ATP10B: variants seen among roughly 807,000 people sequenced by gnomAD.
ATP10B encodes the protein phospholipid-transporting ATPase VB.
ATP10B carries 122 observed loss-of-function variants against 141.2 expected under a neutral mutation model. The ratio of observed to expected loss-of-function variants is 0.86; its 90% CI spans 0.75 to 1.00. The LOEUF is 1.00. Among genes scored for constraint, ATP10B ranks in the 50% least tolerant of loss-of-function variants. ATP10B has a pLI of 0.00. For synonymous variants in ATP10B, 685 were observed against 692.0 expected (o/e 0.99, Z 0.16); for missense variants, 1,876 against 1,825.3 (o/e 1.03, Z -0.51).
intron 1 of ATP10B, among the ~76,000 whole-genome samples, chr5:160,818,668 T>C (rs917899473): frequency 6.6e-6 from 1 of 152,238 alleles, no homozygotes; most frequent in Admixed American, 6.5e-5. Flanking sequence ...CAAAGGATTA[T>C]AAATCATGCT....
At chr5:160,893,069 C>T in the ATP10B span, among the ~76,000 whole-genome samples, 2 of 152,154 alleles carry the variant, frequency 1.3e-5, no homozygotes, top group African/African-American at 4.8e-5. Context: ...GAGATTCCCT[C>T]GGGTGCCTAC....
Position 160,591,137 on chromosome 5 carries a change from G to C in ATP10B, c.3567C>G (p.Cys1189Trp). 1.2e-6 allele frequency: 2 copies of C among 1,613,352 alleles called. No homozygotes were observed. The highest frequency in any genetic ancestry group is 1.7e-6 in the Non-Finnish European group (2 of 1,179,622). Residue 1189 changes from cysteine (C) to tryptophan (W), a missense_variant and splice_region_variant, in exon 23 of 26, where the codon TGC becomes TGG. By Grantham distance (215) the Cys-to-Trp change is radical (BLOSUM62 -2). Transcript: ENST00000327245. ...ELYKSGQNSE[C>W]YNLSTFWISM... ...AAATCCAGAAAGTCGACAGGTTATA[G>C]CACTGCCAGGAGAGAACACACCAAT...
intron 3 of ATP10B, among the ~76,000 whole-genome samples, chr5:160,715,911 A>G (rs987926580): frequency 3.9e-5 from 6 of 151,954 alleles, no homozygotes; most frequent in African/African-American, 1.5e-4. Context: ...GGGTTTCACC[A>G]TCTTGGCCAG....
intron 1 of ATP10B, among the ~76,000 whole-genome samples, chr5:160,813,086 T>G (rs1164136517): frequency 6.6e-6 from 1 of 152,234 alleles, no homozygotes; most frequent in East Asian, 1.9e-4. Context: ...TTTCTGCATT[T>G]CCAACTGAGG....
At chr5:160,754,332 T>A (rs1163295761) in intron 2 of ATP10B, among the ~76,000 whole-genome samples, 1 of 152,176 alleles carries the variant, frequency 6.6e-6, no homozygotes, top group African/African-American at 2.4e-5. Context: ...AAATCTGTCT[T>A]GGTGAATTGT....
At chr5:160,598,681 A>G (rs1756900361) in intron 22 of ATP10B, 89 bp downstream of exon 22, 1 of 1,217,714 alleles carries the variant, frequency 8.2e-7, no homozygotes, top group South Asian at 1.4e-5. Flanking sequence ...TGACCCCAGC[A>G]TACAGCTCTT....
intron 25 of ATP10B, among the ~76,000 whole-genome samples, chr5:160,566,446 G>A (rs535843696): frequency 2.0e-5 from 3 of 152,256 alleles, no homozygotes; most frequent in Middle Eastern, 3.4e-3. Context: ...TTGAATCTGT[G>A]GGCCTTGCTG....
intron 13 of ATP10B, among the ~76,000 whole-genome samples, chr5:160,630,368 C>A (rs1394050573): frequency 6.6e-6 from 1 of 152,128 alleles, no homozygotes; most frequent in Non-Finnish European, 1.5e-5. Flanking sequence ...CTGCCTGGAC[C>A]AGGGATGCAG....
chr5:160,724,274 T>TTG (rs1415672133), intron 2 of ATP10B, among the ~76,000 whole-genome samples: 2 of 133,686 alleles, frequency 1.5e-5, no homozygotes, highest in East Asian at 6.0e-4. Flanking sequence ...TTTTTTTTTT[T>TTG]AGAGACAGAG....
the ATP10B span, among the ~76,000 whole-genome samples, chr5:160,866,755 G>A: frequency 6.6e-6 from 1 of 152,086 alleles, no homozygotes; most frequent in East Asian, 1.9e-4. Context: ...TGGGAGTGGG[G>A]TGAGGAATAA....
intron 22 of ATP10B, among the ~76,000 whole-genome samples, chr5:160,594,173 G>C (rs1286616372): frequency 2.6e-5 from 4 of 152,208 alleles, no homozygotes; most frequent in Non-Finnish European, 4.4e-5. Flanking sequence ...AAGCCCATCA[G>C]ACTAACAGCT....
the ATP10B span, among the ~76,000 whole-genome samples, chr5:160,885,073 C>T: frequency 4.6e-5 from 7 of 152,288 alleles, no homozygotes; most frequent in African/African-American, 1.7e-4. Context: ...CCCTGTTTTG[C>T]ATTATGTTTG....
At chr5:160,634,213 A>C (rs1759169144) in intron 12 of ATP10B, 141 bp downstream of exon 12, 2 of 1,137,458 alleles carry the variant, frequency 1.8e-6, no homozygotes, top group Middle Eastern at 3.8e-4. Flanking sequence ...AAGGAAGACC[A>C]CAGGGATACA....
At chr5:160,929,074 C>T in the ATP10B span, among the ~76,000 whole-genome samples, 1 of 152,186 alleles carries the variant, frequency 6.6e-6, no homozygotes, top group Non-Finnish European at 1.5e-5. Context: ...GTGAAAACAG[C>T]TTGTAGCCCC....
At chr5:160,906,015 G>T in the ATP10B span, among the ~76,000 whole-genome samples, 1 of 152,124 alleles carries the variant, frequency 6.6e-6, no homozygotes, top group South Asian at 2.1e-4. Flanking sequence ...CATTTTCTCT[G>T]CACTCCCTCC....
chr5:160,658,398 TA>T (rs1761655317), intron 7 of ATP10B, among the ~76,000 whole-genome samples: 1 of 152,178 alleles, frequency 6.6e-6, no homozygotes, highest in Non-Finnish European at 1.5e-5. Context: ...CAGAGGGTAT[TA>T]AGCCCCCTTC....
At chr5:160,821,902 A>C (rs1484425417) in intron 1 of ATP10B, among the ~76,000 whole-genome samples, 1 of 152,218 alleles carries the variant, frequency 6.6e-6, no homozygotes, top group East Asian at 1.9e-4. Flanking sequence ...TTAAACTATG[A>C]AACTACTGAA....
At chr5:160,574,025 C>T (rs2127596440) in intron 24 of ATP10B, among the ~76,000 whole-genome samples, 1 of 152,320 alleles carries the variant, frequency 6.6e-6, no homozygotes, top group East Asian at 1.9e-4. Flanking sequence ...TAGCTGTTTT[C>T]AAATAACTCT....
intron 2 of ATP10B, among the ~76,000 whole-genome samples, chr5:160,766,137 C>A (rs889777775): frequency 7.3e-6 from 1 of 136,528 alleles, no homozygotes; most frequent in African/African-American, 2.8e-5. Flanking sequence ...CTGTGGAAAA[C>A]AGTATGGAGA....
Sources: allele counts gnomAD v4.1 joint callset (sites outside exome capture counted in the v4.1 genomes callset), GRCh38; gene constraint gnomAD v4.1.1; transcripts MANE v1.5; gene names NCBI Gene and HGNC (gene_info 2026-07-23, HGNC 2026-07-21).